The following MAN1C1 variants were observed in gnomAD, a reference collection of about 807,000 sequenced individuals.
MAN1C1 encodes the protein mannosidase alpha class 1C member 1, also known as mannosyl-oligosaccharide 1,2-alpha-mannosidase IC.
A neutral mutation model predicts 71.5 loss-of-function variants in MAN1C1; 49 were observed. The ratio of observed to expected loss-of-function variants is 0.69; its 90% CI spans 0.54 to 0.87. The LOEUF (loss-of-function observed/expected upper bound fraction) is 0.87, where lower values mean the gene tolerates loss of function less well. MAN1C1 is among the 40% of genes least tolerant of loss of function. The probability of loss-of-function intolerance (pLI) is 0.00; values close to 1 mark genes in which losing one functional copy is unlikely to be tolerated. For missense variants in MAN1C1, 743 were observed against 835.0 expected (o/e 0.89, Z 1.36); for synonymous variants, 352 against 343.7 (o/e 1.02, Z -0.27).
chr1:25,779,554 G>T lies in MAN1C1; in HGVS notation c.1477+1230G>T, dbSNP rs760394306. Among the ~76,000 whole-genome samples the T allele has an allele frequency of 6.6e-6, 1 of 152,156 alleles. No individual in the cohort carries two copies. The highest frequency in any genetic ancestry group is 1.5e-5 in the Non-Finnish European group (1 of 68,026). On this transcript the variant is annotated intron_variant, in intron 9 of 11. Transcript: ENST00000374332. This position sits in a 1 kb window ranked among gnomAD's most constrained non-coding sequence, Gnocchi z 4.6. ...TAAGAAATCTCAGGACTAATAAAAG[G>T]CTCGCTATTTGTCTGAGACAATCAG...
At chr1:25,618,396 C>T (rs1447005797) in intron 1 of MAN1C1, 59 bp downstream of exon 1, 1 of 1,492,940 alleles carries the variant, frequency 6.7e-7, no homozygotes, top group African/African-American at 1.4e-5. Context: ...AGAGAAGACC[C>T]TCTGGCGCTC....
At chr1:25,762,933 G>T (rs919544236) in intron 6 of MAN1C1, among the ~76,000 whole-genome samples, 23 of 152,070 alleles carry the variant, frequency 1.5e-4, no homozygotes, top group Non-Finnish European at 5.9e-5. Flanking sequence ...TTTACCTAAA[G>T]CTAACAAACG....
intron 2 of MAN1C1, among the ~76,000 whole-genome samples, chr1:25,695,847 G>A (rs958676551): frequency 5.9e-5 from 9 of 152,244 alleles, no homozygotes; most frequent in African/African-American, 1.9e-4. Flanking sequence ...CCTCCTCTGG[G>A]CCTCGTCTCT....
In MAN1C1 at chr1:25,618,269, G is replaced by T. The variant is rs1362522818; in HGVS notation, c.472G>T (p.Gly158Ter). Residue 158 changes from glycine to a stop codon, truncating the protein, a stop_gained, in exon 1 of 12, where the codon GGA becomes TGA. Transcript: ENST00000374332. LOFTEE classifies it high-confidence loss of function. ...FRSRLRHPVL[G>*]TRADESQEPQ... ...GAGCCGTCTCCGCCACCCGGTCCTG[G>T]GAACGAGGGCCGATGAGAGTCAGGA... The T allele has an allele frequency of 1.2e-6, 2 of 1,604,260 alleles. No homozygotes were observed. The highest frequency in any genetic ancestry group is 8.5e-7 in the Non-Finnish European group (1 of 1,177,174).
At chr1:25,722,810 T>A (rs948670368) in intron 2 of MAN1C1, among the ~76,000 whole-genome samples, 13 of 152,170 alleles carry the variant, frequency 8.5e-5, no homozygotes, top group Admixed American at 7.2e-4. Context: ...TGGTTGTGGA[T>A]CTGTGTGGTG....
chr1:25,623,454 T>TG (rs3835658), intron 1 of MAN1C1, among the ~76,000 whole-genome samples: 7,820 of 149,106 alleles, frequency 0.052, 204 homozygotes, highest in Middle Eastern at 0.077. Context: ...TTAGTGGTGG[T>TG]GGGGGGGGGT....
intron 2 of MAN1C1, among the ~76,000 whole-genome samples, chr1:25,740,743 AT>A (rs1162701372): frequency 6.6e-6 from 1 of 151,762 alleles, no homozygotes; most frequent in African/African-American, 2.4e-5. Context: ...GCTGACTTGA[AT>A]TTTTTAAAAA....
rs973485565 is a variant in MAN1C1, at chr1:25,769,570, G to T, written c.1142-2087G>T. On this transcript the variant is annotated intron_variant, in intron 7 of 11. Transcript: ENST00000374332. The surrounding 1 kb of genome is among the most constrained non-coding windows in gnomAD (Gnocchi z 4.8). The stretch of plus-strand genomic sequence containing the variant: ...TGTCACGCACACACTCCACCACCGC[G>T]TGATTGTGGCTAAACTCCTTGGCTT... Among the ~76,000 whole-genome samples the T allele has an allele frequency of 6.6e-6, 1 of 152,142 alleles. No individual in the cohort carries two copies. Among genetic ancestry groups the T allele is most frequent in the Non-Finnish European group, 1.5e-5 (1 of 68,030 alleles).
At position 25,782,237 on chromosome 1, in the gene MAN1C1, C is replaced by T. The variant is rs1240586441; in HGVS notation, c.1651-348C>T. Among the ~76,000 whole-genome samples, 1 of 152,194 alleles carries T rather than the reference C, an allele frequency of 6.6e-6. No homozygotes were observed. Among genetic ancestry groups the T allele is most frequent in the Non-Finnish European group, 1.5e-5 (1 of 68,036 alleles). ...ACCCGTGGCTTCTCTTCACCTCTGC[C>T]TACCACTGTGGGTGAATCTGTAAGA... On this transcript the variant is annotated intron_variant, in intron 10 of 11. Coordinates refer to ENST00000374332, the MANE Select transcript of MAN1C1 (RefSeq NM_020379.4). The surrounding 1 kb of genome is among the most constrained non-coding windows in gnomAD (Gnocchi z 4.4).
intron 2 of MAN1C1, among the ~76,000 whole-genome samples, chr1:25,687,083 C>G (rs2046242049): frequency 6.6e-6 from 1 of 152,100 alleles, no homozygotes; most frequent in Non-Finnish European, 1.5e-5. Context: ...CAGGTCCGGC[C>G]TGGGCAGCAT....
chr1:25,630,930 G>A (rs914728907), intron 1 of MAN1C1, among the ~76,000 whole-genome samples: 2 of 151,810 alleles, frequency 1.3e-5, no homozygotes, highest in Admixed American at 6.6e-5. Context: ...CTCTGGCTAG[G>A]ACTTCCAGTA....
At chr1:25,625,894 A>G (rs1236469116) in intron 1 of MAN1C1, among the ~76,000 whole-genome samples, 1 of 152,228 alleles carries the variant, frequency 6.6e-6, no homozygotes, top group Non-Finnish European at 1.5e-5. Context: ...TTCATTGAAG[A>G]CAGTTTTTGA....
chr1:25,705,018 TA>T (rs1206652145), intron 2 of MAN1C1, among the ~76,000 whole-genome samples: 8 of 152,272 alleles, frequency 5.3e-5, no homozygotes, highest in Non-Finnish European at 1.0e-4. Context: ...TGGAGAGTGA[TA>T]AAGTTTGAAC....
At chr1:25,659,309 A>T (rs1041865775) in intron 1 of MAN1C1, among the ~76,000 whole-genome samples, 3 of 152,096 alleles carry the variant, frequency 2.0e-5, no homozygotes, top group Admixed American at 1.3e-4. Flanking sequence ...CCCGACCCTT[A>T]CGTCAGACCT....
intron 2 of MAN1C1, among the ~76,000 whole-genome samples, chr1:25,740,626 C>T (rs533505933): frequency 3.3e-5 from 5 of 152,080 alleles, no homozygotes; most frequent in East Asian, 3.9e-4. Flanking sequence ...TTAGTAGAGA[C>T]GGGGTTTCAC....
rs200040208 is a variant in MAN1C1, at chr1:25,636,429, T to A, written c.540+18092T>A. Among the ~76,000 whole-genome samples, 51 of 152,294 alleles carry A rather than the reference T, an allele frequency of 3.3e-4. No homozygotes were observed. The East Asian group carries it at 9.3e-3, about 28-fold the overall frequency. On this transcript the variant is annotated intron_variant, in intron 1 of 11. Transcript: ENST00000374332. ...CATTCCTTCCCCAGGGTATTAATTA[T>A]TAATATTCCTTGCTAGGAAAAGAAT...
In MAN1C1 at chr1:25,746,797, CCT is replaced by C; in HGVS notation, c.753+16_753+17del. On this transcript the variant is annotated intron_variant, in intron 3 of 11. Coordinates refer to ENST00000374332, the MANE Select transcript of MAN1C1 (RefSeq NM_020379.4). The surrounding 1 kb of genome is among the most constrained non-coding windows in gnomAD (Gnocchi z 4.0). ...CACCTGAACGTGGTGAGTCAGAGGC[CCT>C]CGGCGGGGGAGGGGGGCGGGGGCCA... The C allele has an allele frequency of 2.0e-6, 3 of 1,470,400 alleles. No homozygotes were observed. Among genetic ancestry groups the C allele is most frequent in the Admixed American group, 4.3e-5 (2 of 46,790 alleles). The allele number at this position is 1,470,400 out of a possible 1,614,324, so 91.1% of individuals were successfully genotyped here. A position where few individuals can be genotyped will look rare whatever the true frequency, so the allele number is the denominator to read the frequency against.
At chr1:25,660,396 C>CT (rs1178878513) in intron 1 of MAN1C1, among the ~76,000 whole-genome samples, 5,640 of 97,560 alleles carry the variant, frequency 0.058, 872 homozygotes, top group African/African-American at 0.14. Flanking sequence ...AGTGAAATTC[C>CT]TTTTTTTTTT....
Position 25,746,797 on chromosome 1 carries a change from C to CTGT in MAN1C1, c.753+14_753+15insTGT. On this transcript the variant is annotated intron_variant, in intron 3 of 11. Coordinates refer to ENST00000374332, the MANE Select transcript of MAN1C1 (RefSeq NM_020379.4). This position sits in a 1 kb window ranked among gnomAD's most constrained non-coding sequence, Gnocchi z 4.0. ...CACCTGAACGTGGTGAGTCAGAGGC[C>CTGT]CTCGGCGGGGGAGGGGGGCGGGGGC... The CTGT allele has an allele frequency of 6.8e-7, 1 of 1,470,400 alleles. No homozygotes were observed. The highest frequency in any genetic ancestry group is 9.3e-7 in the Non-Finnish European group (1 of 1,079,974). The allele number at this position is 1,470,400 out of a possible 1,614,324, so 91.1% of individuals were successfully genotyped here.
Sources: gnomAD v4.1 joint callset for allele counts (sites outside exome capture counted in the v4.1 genomes callset) on GRCh38, gnomAD v4.1.1 for gene constraint, Gnocchi (gnomAD v3.1) non-coding constraint, MANE v1.5 for transcripts, NCBI Gene and HGNC (gene_info 2026-07-23, HGNC 2026-07-21) for gene names.